The following BAHCC1 variants were observed in gnomAD, a reference collection of about 807,000 sequenced individuals.
The protein encoded by BAHCC1 is BAH and coiled-coil domain-containing protein 1.
Under a neutral mutation model 88.2 loss-of-function variants are expected in BAHCC1, and 43 were observed. That is an observed-to-expected ratio of 0.49 (90% CI 0.38 to 0.63). BAHCC1 has a LOEUF of 0.63. BAHCC1 is among the 20% of genes least tolerant of loss of function. The pLI, the probability that BAHCC1 is intolerant of heterozygous loss-of-function variation, is 0.00. For synonymous variants in BAHCC1, 1,510 were observed against 745.5 expected (o/e 2.03, Z -16.71); for missense variants, 3,023 against 1,654.8 (o/e 1.83, Z -14.34).
chr17:81,438,230 TC>T (rs1555651990), intron 3 of BAHCC1, 139 bp from the exon 4 acceptor site: 1 of 643,126 alleles, frequency 1.6e-6, no homozygotes, highest in Non-Finnish European at 2.8e-6. Context: ...TGGGTTGATT[TC>T]CCCCCGGCGG....
At chr17:81,418,334 G>A (rs555192749) in intron 2 of BAHCC1, among the ~76,000 whole-genome samples, 2 of 152,274 alleles carry the variant, frequency 1.3e-5, no homozygotes, top group Non-Finnish European at 2.9e-5. Context: ...GCCTGGCCAC[G>A]TGACCTGTTG....
chr17:81,420,928 C>T (rs1445682816), intron 2 of BAHCC1, among the ~76,000 whole-genome samples: 6 of 152,246 alleles, frequency 3.9e-5, no homozygotes, highest in African/African-American at 1.2e-4. Flanking sequence ...GGGGACAGGC[C>T]GTGTTCAGCC....
Position 81,459,178 on chromosome 17 carries a change from G to A in BAHCC1, c.5720+10G>A, listed in dbSNP as rs1555658443. The A allele has an allele frequency of 1.3e-6, 1 of 767,718 alleles. No individual in the cohort carries two copies. Among genetic ancestry groups the A allele is most frequent in the South Asian group, 1.4e-5 (1 of 73,144 alleles). 47.6% of individuals were successfully genotyped at this position (767,718 alleles called of 1,614,324 possible). Reference sequence around the variant, plus strand: ...TGCAGCCACCCGACATGTGAGGCCTGGGCATGGTGGGGCAGGGCAGGGGCC... The same window carrying A: ...TGCAGCCACCCGACATGTGAGGCCTAGGCATGGTGGGGCAGGGCAGGGGCC... On this transcript the variant is annotated intron_variant, in intron 21 of 27. Coordinates refer to ENST00000675386, the MANE Select transcript of BAHCC1 (RefSeq NM_001377448.1).
At chr17:81,449,251 C>G (rs1269287615) in intron 11 of BAHCC1, among the ~76,000 whole-genome samples, 1 of 152,168 alleles carries the variant, frequency 6.6e-6, no homozygotes, top group East Asian at 1.9e-4. Context: ...GCTCTGCCCT[C>G]CGGGTCTCCA....
rs887946803 is a variant in BAHCC1, at chr17:81,432,477, G to A, written c.358+5498G>A. ...GTGGTTGCTTCTAGCTCCACGCTCC[G>A]AGAACTGTCCATTGCCCCCTGTGGC... On this transcript the variant is annotated intron_variant, in intron 3 of 27. Transcript: ENST00000675386. Among the ~76,000 whole-genome samples the A allele has an allele frequency of 3.3e-3, 478 of 146,700 alleles. 3 individuals are homozygous for A. Among genetic ancestry groups the A allele is most frequent in the African/African-American group, 0.012 (451 of 38,956 alleles).
At chr17:81,425,630 G>C (rs1555650309) in intron 2 of BAHCC1, among the ~76,000 whole-genome samples, 1 of 151,418 alleles carries the variant, frequency 6.6e-6, no homozygotes, top group African/African-American at 2.4e-5. Flanking sequence ...TGGGTGATGT[G>C]GTTGGTGGTT....
At chr17:81,423,512 C>G (rs1401016710) in intron 2 of BAHCC1, among the ~76,000 whole-genome samples, 2 of 152,100 alleles carry the variant, frequency 1.3e-5, no homozygotes, top group African/African-American at 2.4e-5. Context: ...CCCGCAGACC[C>G]CACTATCCCC....
intron 1 of BAHCC1, among the ~76,000 whole-genome samples, chr17:81,397,323 C>G (rs1204676285): frequency 6.6e-6 from 1 of 151,002 alleles, no homozygotes; most frequent in Non-Finnish European, 1.5e-5. Context: ...ATTGTTGCTT[C>G]GTAGCCGAGC....
intron 3 of BAHCC1, among the ~76,000 whole-genome samples, chr17:81,436,695 C>T (rs782247638): frequency 4.6e-5 from 7 of 152,130 alleles, no homozygotes; most frequent in Admixed American, 1.3e-4. Flanking sequence ...AGCTCCCACA[C>T]AGACCAGGCC....
chr17:81,443,653 AC>A (rs2064467176), intron 5 of BAHCC1, 89 bp downstream of exon 5: 1 of 625,808 alleles, frequency 1.6e-6, no homozygotes, highest in African/African-American at 1.8e-5. Flanking sequence ...CCCAGCTCCC[AC>A]ACCTGCCCTT....
At chr17:81,424,636 G>A (rs566758351) in intron 2 of BAHCC1, among the ~76,000 whole-genome samples, 11 of 152,222 alleles carry the variant, frequency 7.2e-5, no homozygotes, top group African/African-American at 2.6e-4. Context: ...GGTGGTGGAT[G>A]ATGTGGTTGG....
At position 81,441,641 on chromosome 17, in the gene BAHCC1, G is replaced by A. The variant is rs568988258; in HGVS notation, c.482-190G>A. ...CACGCCACAGCACTGCAGCCTGGGC[G>A]ACAGAGGGCAGAGCGAGACTCCGTC... On this transcript the variant is annotated intron_variant, in intron 4 of 27. Transcript: ENST00000675386. 4.0e-4 allele frequency among the ~76,000 whole-genome samples: 55 copies of A among 136,154 alleles called. No individual in the cohort carries two copies. The South Asian group carries it at 4.1e-3, about 10-fold the overall frequency. 89.3% of individuals were successfully genotyped at this position (136,154 alleles called of 152,430 possible).
chr17:81,450,197 C>T (rs554153636), intron 11 of BAHCC1, among the ~76,000 whole-genome samples: 8 of 152,138 alleles, frequency 5.3e-5, no homozygotes, highest in Non-Finnish European at 1.0e-4. Flanking sequence ...ACAGGGGTTC[C>T]GCAGTTCTCC....
chr17:81,460,548 C>T lies in BAHCC1; in HGVS notation c.6044C>T (p.Ala2015Val), dbSNP rs1568037399. 3 of 759,610 alleles carry T rather than the reference C, an allele frequency of 3.9e-6. No individual in the cohort carries two copies. Among genetic ancestry groups the T allele is most frequent in the Non-Finnish European group, 7.4e-6 (3 of 408,140 alleles). 47.1% of individuals were successfully genotyped at this position (759,610 alleles called of 1,614,324 possible). The change falls in exon 25 of 28, where the codon GCC (alanine) becomes GTC (valine). Residue 2015 changes from alanine to valine, a missense_variant. Transcript: ENST00000675386. ...TCCACAGGCACAGAGCCCTCTCCAG[C>T]CCTGCTAGTGTCTAGCAGCTGCCGG... ...FKIQCTEPSP[A>V]LLVSSSCRRT...
chr17:81,414,802 G>C (rs1454085570), intron 2 of BAHCC1, among the ~76,000 whole-genome samples: 1 of 152,048 alleles, frequency 6.6e-6, no homozygotes, highest in African/African-American at 2.4e-5. Flanking sequence ...TGGGGGCGGA[G>C]GCGGCAGGCA....
intron 11 of BAHCC1, among the ~76,000 whole-genome samples, chr17:81,450,255 C>T (rs1555655510): frequency 6.6e-6 from 1 of 152,128 alleles, no homozygotes; most frequent in Non-Finnish European, 1.5e-5. Context: ...GTGTCTGGCT[C>T]CTGTCTCCTG....
chr17:81,437,113 C>A (rs1555651848), intron 3 of BAHCC1, among the ~76,000 whole-genome samples: 2 of 152,172 alleles, frequency 1.3e-5, no homozygotes, highest in Non-Finnish European at 2.9e-5. Flanking sequence ...GCCTGTTTTC[C>A]AGGGAAGATT....
intron 4 of BAHCC1, among the ~76,000 whole-genome samples, chr17:81,440,404 T>C (rs185013470): frequency 2.4e-4 from 36 of 152,370 alleles, no homozygotes; most frequent in Non-Finnish European, 3.8e-4. Flanking sequence ...TAGGTTTCGC[T>C]GGGGCTAGCC....
intron 2 of BAHCC1, among the ~76,000 whole-genome samples, chr17:81,412,145 G>C (rs557862897): frequency 6.6e-6 from 1 of 152,316 alleles, no homozygotes; most frequent in African/African-American, 2.4e-5. Flanking sequence ...GGATCCTCCG[G>C]ATCTCCGTAG....
Sources: allele counts gnomAD v4.1 joint callset (sites outside exome capture counted in the v4.1 genomes callset), GRCh38; gene constraint gnomAD v4.1.1; transcripts MANE v1.5; gene names NCBI Gene and HGNC (gene_info 2026-07-23, HGNC 2026-07-21).